Variants in SAMMSON observed in about 807,000 individuals in gnomAD.
SAMMSON encodes survival associated mitochondrial melanoma specific oncogenic non-coding RNA.
intron 6 of SAMMSON, among the ~76,000 whole-genome samples, chr3:70,252,072 T>A (rs80025380): frequency 6.6e-6 from 1 of 152,112 alleles, no homozygotes; most frequent in Admixed American, 6.5e-5. Flanking sequence ...TATTATTAAG[T>A]CTTTCAATTC....
chr3:70,131,227 T>C (rs1185723584), intron 4 of SAMMSON, among the ~76,000 whole-genome samples: 1 of 152,178 alleles, frequency 6.6e-6, no homozygotes, highest in Admixed American at 6.5e-5. Context: ...ACTCTTTGAA[T>C]TCATAGAGCA....
chr3:70,059,924 A>T (rs2067181501), intron 3 of SAMMSON, among the ~76,000 whole-genome samples: 1 of 152,156 alleles, frequency 6.6e-6, no homozygotes, highest in Non-Finnish European at 1.5e-5. Context: ...AAGAAGACAG[A>T]CTGTCTTGAA....
At chr3:70,236,869 T>A (rs1701615038) in intron 4 of SAMMSON, among the ~76,000 whole-genome samples, 1 of 152,166 alleles carries the variant, frequency 6.6e-6, no homozygotes, top group Admixed American at 6.5e-5. Flanking sequence ...GGTGTTAGGA[T>A]TTCAGGTAAC....
At chr3:70,013,148 TGTG>T (rs1157792065) in intron 2 of SAMMSON, among the ~76,000 whole-genome samples, 5 of 151,920 alleles carry the variant, frequency 3.3e-5, no homozygotes, top group Non-Finnish European at 7.4e-5. Flanking sequence ...ATATAGTAAA[TGTG>T]ATGATGATGA....
At chr3:70,035,318 T>C (rs2067081328) in intron 3 of SAMMSON, among the ~76,000 whole-genome samples, 1 of 151,992 alleles carries the variant, frequency 6.6e-6, no homozygotes, top group South Asian at 2.1e-4. Flanking sequence ...ACACTGAAAA[T>C]CTATTTCTTC....
intron 4 of SAMMSON, among the ~76,000 whole-genome samples, chr3:70,245,323 C>A (rs1424728707): frequency 3.3e-5 from 5 of 151,672 alleles, no homozygotes; most frequent in Admixed American, 6.6e-5. Flanking sequence ...TCTCTCATTG[C>A]CTAAGAGAAA....
At chr3:70,385,551 G>C (rs1195946961) in intron 9 of SAMMSON, among the ~76,000 whole-genome samples, 1 of 152,006 alleles carries the variant, frequency 6.6e-6, no homozygotes, top group African/African-American at 2.4e-5. Flanking sequence ...ACAATGGGGG[G>C]CACCAAGAAT....
At chr3:70,288,415 T>C (rs1285970602) in intron 6 of SAMMSON, among the ~76,000 whole-genome samples, 3 of 149,532 alleles carry the variant, frequency 2.0e-5, no homozygotes, top group Non-Finnish European at 3.0e-5. Context: ...TGCACTGTGG[T>C]CTGAGAGATA....
intron 4 of SAMMSON, among the ~76,000 whole-genome samples, chr3:70,216,902 T>A (rs192037495): frequency 6.6e-6 from 1 of 152,218 alleles, no homozygotes; most frequent in Non-Finnish European, 1.5e-5. Flanking sequence ...AACAACCTAT[T>A]ATGCACAGGG....
intron 4 of SAMMSON, among the ~76,000 whole-genome samples, chr3:70,170,510 G>A (rs993698675): frequency 4.7e-5 from 7 of 149,930 alleles, no homozygotes; most frequent in African/African-American, 1.5e-4. Flanking sequence ...TGGCCATATG[G>A]TATTAAATTG....
At chr3:70,064,115 G>C (rs2067200875) in intron 3 of SAMMSON, among the ~76,000 whole-genome samples, 1 of 152,094 alleles carries the variant, frequency 6.6e-6, no homozygotes, top group Non-Finnish European at 1.5e-5. Context: ...CTAAGTGCCA[G>C]ATCTATACAT....
chr3:70,094,316 T>C (rs566306676), intron 4 of SAMMSON, among the ~76,000 whole-genome samples: 32 of 152,300 alleles, frequency 2.1e-4, no homozygotes, highest in African/African-American at 7.7e-4. Flanking sequence ...TATTGACTCC[T>C]TCCAGTGTAT....
At chr3:70,010,834 G>A (rs1269181116) in intron 1 of SAMMSON, among the ~76,000 whole-genome samples, 2 of 152,090 alleles carry the variant, frequency 1.3e-5, no homozygotes, top group East Asian at 3.9e-4. Context: ...TCTTCACAGG[G>A]CTTTAGGACG....
intron 4 of SAMMSON, among the ~76,000 whole-genome samples, chr3:70,073,728 TA>T (rs1459665796): frequency 1.3e-5 from 2 of 152,088 alleles, no homozygotes; most frequent in African/African-American, 4.8e-5. Flanking sequence ...ACTCATTTTT[TA>T]AAAGAGAAAC....
intron 4 of SAMMSON, among the ~76,000 whole-genome samples, chr3:70,151,752 CT>C (rs1413068249): frequency 4.6e-5 from 7 of 151,454 alleles, no homozygotes; most frequent in African/African-American, 1.2e-4. Context: ...GGTTGTTTTT[CT>C]TTTTTTTGCA....
rs554852898 is a variant in SAMMSON, at chr3:70,009,775, T to G, written n.23-2582T>G. On this transcript the variant is annotated intron_variant and non_coding_transcript_variant, in intron 1 of 9. Transcript: ENST00000642114. ...TTTCCTGCTTTCTTTTGTGGGCATT[T>G]AGTGCTATAAATTTCCCTCTACACA... 2.1e-4 allele frequency among the ~76,000 whole-genome samples: 32 copies of G among 150,852 alleles called. 1 individual carries two copies. Among genetic ancestry groups the G allele is most frequent in the Admixed American group, 6.6e-4 (10 of 15,144 alleles).
At chr3:70,388,919 G>A (rs1701016996) in intron 9 of SAMMSON, among the ~76,000 whole-genome samples, 1 of 152,052 alleles carries the variant, frequency 6.6e-6, no homozygotes, top group Non-Finnish European at 1.5e-5. Context: ...GAGGTGTTTG[G>A]ATCATGGGGG....
At chr3:70,035,336 G>A (rs2067081368) in intron 3 of SAMMSON, among the ~76,000 whole-genome samples, 1 of 151,386 alleles carries the variant, frequency 6.6e-6, no homozygotes, top group Non-Finnish European at 1.5e-5. Flanking sequence ...TTCTACTGTT[G>A]ACTAGAGAAA....
intron 6 of SAMMSON, among the ~76,000 whole-genome samples, chr3:70,268,050 CCTTCTT>C: frequency 6.6e-6 from 1 of 150,422 alleles, no homozygotes; most frequent in South Asian, 2.1e-4. Context: ...TCCTCCTCCT[CCTTCTT>C]CTCCAATATT....
Sources: allele counts gnomAD v4.1 joint callset (sites outside exome capture counted in the v4.1 genomes callset), GRCh38; gene constraint gnomAD v4.1.1; transcripts MANE v1.5; gene names NCBI Gene and HGNC (gene_info 2026-07-23, HGNC 2026-07-21).